LSM12: variants seen among roughly 807,000 people sequenced by gnomAD.
LSM12 encodes the protein LSM12 homolog.
For synonymous variants in LSM12, 74 were observed against 87.3 expected, an observed-to-expected ratio of 0.85 and a Z score of 0.85; for missense variants, 108 against 238.9, an observed-to-expected ratio of 0.45 and a Z score of 3.61.
At chr17:44,060,267 C>T (rs1045980805) in intron 2 of LSM12, among the ~76,000 whole-genome samples, 1 of 152,184 alleles carries the variant, frequency 6.6e-6, no homozygotes, top group African/African-American at 2.4e-5. Flanking sequence ...TCCCAGAGTA[C>T]ATTAGTTCCC....
chr17:44,057,048 C>T (rs916701036), intron 2 of LSM12, among the ~76,000 whole-genome samples: 1 of 151,136 alleles, frequency 6.6e-6, no homozygotes, highest in Non-Finnish European at 1.5e-5. Context: ...CCCAGCTACT[C>T]GGGAGGCTGA....
chr17:44,040,670 G>A (rs1482693418), intron 2 of LSM12, among the ~76,000 whole-genome samples: 1 of 151,990 alleles, frequency 6.6e-6, no homozygotes, highest in Non-Finnish European at 1.5e-5. Flanking sequence ...GATGGTCAGA[G>A]ATTTAAAAAT....
chr17:44,039,725 C>G (rs2049464021), intron 3 of LSM12, among the ~76,000 whole-genome samples: 1 of 152,186 alleles, frequency 6.6e-6, no homozygotes, highest in Non-Finnish European at 1.5e-5. Flanking sequence ...CCTGCTCTAA[C>G]TCCCTGTGTT....
intron 2 of LSM12, among the ~76,000 whole-genome samples, chr17:44,060,636 T>G (rs1287361255): frequency 6.6e-6 from 1 of 152,102 alleles, no homozygotes; most frequent in African/African-American, 2.4e-5. Flanking sequence ...GGCCACAGAG[T>G]AAGAAAAGTA....
At chr17:44,058,248 AATAAAT>A in intron 2 of LSM12, among the ~76,000 whole-genome samples, 1 of 150,930 alleles carries the variant, frequency 6.6e-6, no homozygotes, top group Non-Finnish European at 1.5e-5. Flanking sequence ...AAAAAAAAAT[AATAAAT>A]AATAATAATA....
chr17:44,057,536 C>T (rs972782537), intron 2 of LSM12, among the ~76,000 whole-genome samples: 3 of 146,662 alleles, frequency 2.0e-5, no homozygotes, highest in Admixed American at 6.8e-5. Flanking sequence ...CGGAGGTGGG[C>T]GGATCATGAG....
chr17:44,049,337 G>A (rs879546042), intron 2 of LSM12, among the ~76,000 whole-genome samples: 5 of 152,142 alleles, frequency 3.3e-5, no homozygotes, highest in Non-Finnish European at 5.9e-5. Flanking sequence ...GGAGTGCAGT[G>A]CCATGATCCT....
chr17:44,049,369 C>T (rs2049613075), intron 2 of LSM12, among the ~76,000 whole-genome samples: 1 of 152,284 alleles, frequency 6.6e-6, no homozygotes, highest in Middle Eastern at 3.4e-3. Context: ...TCACAAACTC[C>T]TGGGCTCAAG....
chr17:44,036,418 C>T, intron 4 of LSM12, 118 bp from the exon 5 acceptor site: 1 of 1,329,308 alleles, frequency 7.5e-7, no homozygotes, highest in Non-Finnish European at 1.1e-6. Context: ...GGTGTCCAGG[C>T]ACCTTTGCCC....
At chr17:44,041,314 CACACACACACACACACACAA>C (rs1407266840) in intron 2 of LSM12, among the ~76,000 whole-genome samples, 11 of 144,934 alleles carry the variant, frequency 7.6e-5, no homozygotes, top group African/African-American at 2.4e-4. Context: ...CACACACACA[CACACACACACACACACACAA>C]ACACACACAC....
intron 2 of LSM12, among the ~76,000 whole-genome samples, chr17:44,055,608 T>C (rs952743039): frequency 2.0e-5 from 3 of 147,064 alleles, no homozygotes; most frequent in African/African-American, 5.0e-5. Context: ...GCACAGGAGG[T>C]AGAGGTTGCA....
At chr17:44,061,224 G>C (rs868252972) in intron 2 of LSM12, among the ~76,000 whole-genome samples, 1 of 150,862 alleles carries the variant, frequency 6.6e-6, no homozygotes, top group South Asian at 2.1e-4. Flanking sequence ...GGCTGAGGCA[G>C]GAGAATCACT....
intron 2 of LSM12, among the ~76,000 whole-genome samples, chr17:44,059,214 T>C (rs549308287): frequency 6.6e-6 from 1 of 152,116 alleles, no homozygotes; most frequent in South Asian, 2.1e-4. Flanking sequence ...ACACGAAACA[T>C]AACTTAGCAT....
At chr17:44,062,897 C>T (rs1462038559) in intron 2 of LSM12, among the ~76,000 whole-genome samples, 2 of 151,222 alleles carry the variant, frequency 1.3e-5, no homozygotes, top group Admixed American at 6.6e-5. Context: ...ACAGTGTGTG[C>T]CTGTCTCCAA....
chr17:44,056,019 G>A (rs2049708760), intron 2 of LSM12, among the ~76,000 whole-genome samples: 1 of 151,764 alleles, frequency 6.6e-6, no homozygotes, highest in Non-Finnish European at 1.5e-5. Context: ...TGTAATCCCA[G>A]CACTTTGGGA....
At chr17:44,048,337 C>T (rs1427813850) in intron 2 of LSM12, among the ~76,000 whole-genome samples, 2 of 151,886 alleles carry the variant, frequency 1.3e-5, no homozygotes, top group African/African-American at 4.8e-5. Context: ...CAAAAATTAG[C>T]CGGGCACAGT....
chr17:44,066,353 C>T, intron 1 of LSM12, 111 bp downstream of exon 1: 2 of 1,367,892 alleles, frequency 1.5e-6, no homozygotes, highest in South Asian at 1.6e-5. Context: ...GCCGCGGTAG[C>T]CGGTCGCCCC....
At chr17:44,037,948 T>C (rs139524711) in intron 3 of LSM12, among the ~76,000 whole-genome samples, 23 of 152,310 alleles carry the variant, frequency 1.5e-4, no homozygotes, top group Non-Finnish European at 1.5e-5. Flanking sequence ...AGTTCTGCCA[T>C]AGTTGTACAA....
In LSM12 at chr17:44,052,215, A is replaced by G. The variant is rs191561273; in HGVS notation, c.258+11586T>C. Among the ~76,000 whole-genome samples the G allele has an allele frequency of 3.0e-4, 45 of 151,980 alleles. 1 individual carries two copies. The highest frequency in any genetic ancestry group is 2.4e-3 in the Admixed American group (36 of 15,218). ...CATGTCACTGCATCCCAGTCTGGGC[A>G]ACAAAGCAAGTCCCTATCTCTAAAT... is the stretch of plus-strand genomic sequence containing the variant. On this transcript the variant is annotated intron_variant, in intron 2 of 4. Coordinates refer to ENST00000293406, the MANE Select transcript of LSM12 (RefSeq NM_001371445.1).
Sources: gnomAD v4.1 joint callset for allele counts (sites outside exome capture counted in the v4.1 genomes callset) on GRCh38, gnomAD v4.1.1 for gene constraint, MANE v1.5 for transcripts, NCBI Gene and HGNC (gene_info 2026-07-23, HGNC 2026-07-21) for gene names.